Variants in BACH2 observed in about 807,000 individuals in gnomAD.
BACH2 encodes BACH transcriptional regulator 2, also known as transcription regulator protein BACH2.
A neutral mutation model predicts 61.8 loss-of-function variants in BACH2; 5 were observed. The observed-to-expected ratio is 0.08, with a 90% confidence interval of 0.04 to 0.17. The LOEUF is 0.17. Ranked by LOEUF, BACH2 falls within the 10% of genes least tolerant of loss-of-function variation. The pLI is 1.00. For synonymous variants in BACH2, 446 were observed against 440.1 expected (o/e 1.01, Z -0.17); for missense variants, 824 against 1,091.1 (o/e 0.76, Z 3.45).
intron 1 of BACH2, among the ~76,000 whole-genome samples, chr6:90,275,576 C>T (rs958298097): frequency 1.3e-5 from 2 of 151,388 alleles, no homozygotes; most frequent in African/African-American, 2.4e-5. Context: ...GGGGGTTTGT[C>T]GTACAGATTA....
In BACH2 at chr6:90,109,073, T is replaced by C. The variant is rs116609251; in HGVS notation, c.-161-19964A>G. On this transcript the variant is annotated intron_variant, in intron 4 of 8. Coordinates refer to ENST00000257749, the MANE Select transcript of BACH2 (RefSeq NM_021813.4). ...TTCCTCCAGAACCAATCCCTTTCTCTGCCCCTGTTCTGAAGGAAGACCCTC... is the reference window on the plus strand; with the variant it reads ...TTCCTCCAGAACCAATCCCTTTCTCCGCCCCTGTTCTGAAGGAAGACCCTC... Among the ~76,000 whole-genome samples, 1,413 of 152,326 alleles carry C rather than the reference T, an allele frequency of 9.3e-3. 21 individuals carry two copies. The highest frequency in any genetic ancestry group is 0.031 in the African/African-American group (1,308 of 41,582).
intron 2 of BACH2, among the ~76,000 whole-genome samples, chr6:90,268,252 T>TGC (rs1365698530): frequency 6.6e-6 from 1 of 152,172 alleles, no homozygotes; most frequent in Non-Finnish European, 1.5e-5. Context: ...GTGATCTGCC[T>TGC]GCCTTGGCCT....
At chr6:90,233,355 T>C (rs1770159089) in intron 3 of BACH2, among the ~76,000 whole-genome samples, 1 of 152,220 alleles carries the variant, frequency 6.6e-6, no homozygotes, top group Admixed American at 6.5e-5. Context: ...TCTCTGGGTA[T>C]AAGTCTTCAG....
At chr6:90,045,402 T>C (rs889530011) in intron 5 of BACH2, among the ~76,000 whole-genome samples, 6 of 152,118 alleles carry the variant, frequency 3.9e-5, no homozygotes, top group Non-Finnish European at 2.9e-5. Context: ...GAGTGAGTCC[T>C]TCAGGAAAGA....
intron 3 of BACH2, among the ~76,000 whole-genome samples, chr6:90,233,518 T>A (rs1224886593): frequency 6.6e-6 from 1 of 152,210 alleles, no homozygotes; most frequent in Non-Finnish European, 1.5e-5. Flanking sequence ...TTAATGGCTA[T>A]ATGACCCTGG....
chr6:90,224,525 A>C (rs981299866), intron 3 of BACH2, among the ~76,000 whole-genome samples: 1 of 152,278 alleles, frequency 6.6e-6, no homozygotes, highest in African/African-American at 2.4e-5. Flanking sequence ...TATGTAAGCC[A>C]AAATAGTGGA....
At chr6:90,249,728 T>C (rs912443789) in intron 3 of BACH2, among the ~76,000 whole-genome samples, 4 of 152,106 alleles carry the variant, frequency 2.6e-5, no homozygotes, top group Admixed American at 6.6e-5. Context: ...CGAACCATGA[T>C]TGCGCTACTG....
chr6:90,108,951 T>G (rs1398010009), intron 4 of BACH2, among the ~76,000 whole-genome samples: 2 of 152,190 alleles, frequency 1.3e-5, no homozygotes, highest in Non-Finnish European at 2.9e-5. Flanking sequence ...TTAGAGAATC[T>G]GTTTCTGAAT....
chr6:90,108,253 G>A (rs1234566779), intron 4 of BACH2, among the ~76,000 whole-genome samples: 1 of 152,032 alleles, frequency 6.6e-6, no homozygotes, highest in Admixed American at 6.6e-5. Context: ...GGGAATGATT[G>A]GTATTAATTA....
chr6:90,204,172 C>G (rs188712046), intron 4 of BACH2, among the ~76,000 whole-genome samples: 2 of 152,240 alleles, frequency 1.3e-5, no homozygotes, highest in East Asian at 3.9e-4. Flanking sequence ...CTGAAGTGCC[C>G]CGTCAGTGAG....
chr6:90,294,256 A>C (rs1772266753), intron 1 of BACH2, among the ~76,000 whole-genome samples: 1 of 152,240 alleles, frequency 6.6e-6, no homozygotes, highest in African/African-American at 2.4e-5. Context: ...CATGATTACC[A>C]AATGGCAAAC....
rs571811084 is a variant in BACH2, at chr6:90,032,285, C to G, written c.-12-23429G>C. Among the ~76,000 whole-genome samples the G allele has an allele frequency of 9.1e-4, 136 of 149,602 alleles. 1 individual carries two copies. In the East Asian group the frequency reaches 0.023, roughly 25 times the overall value. On this transcript the variant is annotated intron_variant, in intron 5 of 8. Transcript: ENST00000257749. ...AAAACCTAGGCAATACCATTCAGGA[C>G]ATAGGCATGGGCAAGTACTTCATGT...
intron 3 of BACH2, among the ~76,000 whole-genome samples, chr6:90,234,120 C>T (rs1231956154): frequency 2.0e-5 from 3 of 152,164 alleles, no homozygotes; most frequent in East Asian, 1.9e-4. Flanking sequence ...CTGGGCTGTG[C>T]GGATTGGGGA....
intron 3 of BACH2, among the ~76,000 whole-genome samples, chr6:90,213,605 GCT>G (rs1299399857): frequency 6.6e-6 from 1 of 152,098 alleles, no homozygotes; most frequent in Non-Finnish European, 1.5e-5. Context: ...CAAGTTACTG[GCT>G]CTCTCTCAGT....
At chr6:90,036,608 G>T (rs1053656402) in intron 5 of BACH2, among the ~76,000 whole-genome samples, 3 of 151,944 alleles carry the variant, frequency 2.0e-5, no homozygotes, top group African/African-American at 7.3e-5. Context: ...ATATCCATCA[G>T]ATTTTTTTCA....
intron 4 of BACH2, among the ~76,000 whole-genome samples, chr6:90,197,770 C>A (rs1434369183): frequency 6.6e-6 from 1 of 152,172 alleles, no homozygotes; most frequent in Non-Finnish European, 1.5e-5. Flanking sequence ...CGGCCCAGGG[C>A]AGTCCATTGG....
chr6:89,955,766 T>C (rs960399280), intron 6 of BACH2, among the ~76,000 whole-genome samples: 1 of 152,108 alleles, frequency 6.6e-6, no homozygotes, highest in African/African-American at 2.4e-5. Flanking sequence ...AGAAGGCAAA[T>C]ATTCAGGTAC....
intron 4 of BACH2, among the ~76,000 whole-genome samples, chr6:90,113,639 A>T (rs1783274147): frequency 6.6e-6 from 1 of 152,180 alleles, no homozygotes; most frequent in South Asian, 2.1e-4. Context: ...AAAGTTAGAA[A>T]GAACAACCCC....
In BACH2 at chr6:90,138,053, AACACACAC is replaced by A. The variant is rs10602894; in HGVS notation, c.-161-48952_-161-48945del. On this transcript the variant is annotated intron_variant, in intron 4 of 8. Transcript: ENST00000257749. ...GAGATCATGACTATTCTAATCATAA[AACACACAC>A]ACACACACACACACACACACACACA... is the stretch of plus-strand genomic sequence containing the variant. Among the ~76,000 whole-genome samples, 316 of 143,654 alleles carry A rather than the reference AACACACAC, an allele frequency of 2.2e-3. 3 individuals carry two copies. In the South Asian group the frequency reaches 0.031, roughly 14 times the overall value. 94.2% of individuals were successfully genotyped at this position (143,654 alleles called of 152,430 possible). A position where few individuals can be genotyped will look rare whatever the true frequency, so the allele number is the denominator to read the frequency against.
Sources: allele counts gnomAD v4.1 joint callset (sites outside exome capture counted in the v4.1 genomes callset), GRCh38; gene constraint gnomAD v4.1.1; transcripts MANE v1.5; gene names NCBI Gene and HGNC (gene_info 2026-07-23, HGNC 2026-07-21).